The following PEX7 variants were observed in gnomAD, a reference collection of about 807,000 sequenced individuals.
PEX7 encodes peroxisomal biogenesis factor 7.
A neutral mutation model predicts 47.5 loss-of-function variants in PEX7; 34 were observed. That is an observed-to-expected ratio of 0.72 (90% CI 0.54 to 0.95). PEX7 has a LOEUF of 0.95. PEX7 is among the 40% of genes least tolerant of loss of function. The pLI, the probability that PEX7 is intolerant of heterozygous loss-of-function variation, is 0.00. For synonymous variants in PEX7, 141 were observed against 148.8 expected (o/e 0.95, Z 0.38); for missense variants, 394 against 400.3 (o/e 0.98, Z 0.13).
chr6:136,858,255 T>G (rs906956390), intron 5 of PEX7, among the ~76,000 whole-genome samples: 14 of 152,062 alleles, frequency 9.2e-5, no homozygotes, highest in Non-Finnish European at 1.5e-4. Flanking sequence ...TATGGACAAG[T>G]AAGAGGAAAT....
At chr6:136,898,808 G>GT (rs879642317) in intron 9 of PEX7, among the ~76,000 whole-genome samples, 38 of 149,342 alleles carry the variant, frequency 2.5e-4, no homozygotes, top group African/African-American at 3.2e-4. Flanking sequence ...TATCCCTCAG[G>GT]TTTTTTTTTT....
At chr6:136,835,216 T>A (rs532831666) in intron 3 of PEX7, among the ~76,000 whole-genome samples, 1 of 152,068 alleles carries the variant, frequency 6.6e-6, no homozygotes, top group Admixed American at 6.5e-5. Context: ...TGAGCCACTG[T>A]CCCTAGCCTT....
chr6:136,912,649 G>A (rs970966464), intron 9 of PEX7, among the ~76,000 whole-genome samples: 3 of 152,126 alleles, frequency 2.0e-5, no homozygotes, highest in Admixed American at 6.6e-5. Flanking sequence ...GTCAGCTAGT[G>A]TTAAGTAGTG....
intron 5 of PEX7, among the ~76,000 whole-genome samples, chr6:136,860,069 T>C (rs1300969060): frequency 4.0e-5 from 6 of 150,934 alleles, no homozygotes; most frequent in African/African-American, 1.5e-4. Flanking sequence ...AGGTCTGCAA[T>C]TGATAAGAGA....
In PEX7 at chr6:136,822,689, G is replaced by C. The variant is rs978818225; in HGVS notation, c.24G>C (p.Ala8=). MSAVCGG[A]ARMLRTPGRH... is the part of the protein sequence containing the mutation. ...GGATGAGTGCGGTGTGCGGTGGAGC[G>C]GCGCGGATGCTGCGGACGCCGGGAC... is the stretch of plus-strand genomic sequence containing the variant. The change falls in exon 1 of 10, where the codon GCG becomes GCC. Residue 8 remains alanine, a synonymous_variant. Transcript: ENST00000318471. The C allele has an allele frequency of 7.9e-6, 12 of 1,521,226 alleles. No individual in the cohort carries two copies. In the African/African-American group the frequency reaches 1.6e-4, roughly 20 times the overall value. 94.2% of individuals were successfully genotyped at this position (1,521,226 alleles called of 1,614,324 possible).
At position 136,848,850 on chromosome 6, in the gene PEX7, A is replaced by G. The variant is rs117567091; in HGVS notation, c.526+2669A>G. ...GTCTCTACCAGGCTTTGGTATCAGT[A>G]TGCTGCTGGCCTCATAAAATGAGTT... On this transcript the variant is annotated intron_variant, in intron 5 of 9. Coordinates refer to ENST00000318471, the MANE Select transcript of PEX7 (RefSeq NM_000288.4). Among the ~76,000 whole-genome samples the G allele has an allele frequency of 3.1e-3, 472 of 152,300 alleles. 8 individuals are homozygous for G. In the South Asian group the frequency reaches 0.034, roughly 11 times the overall value.
chr6:136,875,987 T>C (rs939817518), intron 8 of PEX7, among the ~76,000 whole-genome samples: 2 of 152,108 alleles, frequency 1.3e-5, no homozygotes, highest in African/African-American at 4.8e-5. Context: ...TTTCCAGATA[T>C]GCTTTTCCCC....
chr6:136,822,741 C>G lies in PEX7; in HGVS notation c.76C>G (p.Pro26Ala), dbSNP rs1774100244. Residue 26 changes from proline (P) to alanine (A), a missense_variant, in exon 1 of 10, where the codon CCG becomes GCG. Physicochemically the swap from Pro to Ala is conservative, Grantham distance 27. Coordinates refer to ENST00000318471, the MANE Select transcript of PEX7 (RefSeq NM_000288.4). ...CCACGGCTACGCCGCCGAGTTCTCC[C>G]CGTACCTGCCGGGCCGCCTGGCCTG... is the stretch of plus-strand genomic sequence containing the variant. ...GRHGYAAEFS[P>A]YLPGRLACAT... The G allele has an allele frequency of 6.7e-7, 1 of 1,496,678 alleles. No individual in the cohort carries two copies. The highest frequency in any genetic ancestry group is 1.5e-5 in the African/African-American group (1 of 68,684). The allele number at this position is 1,496,678 out of a possible 1,614,324, so 92.7% of individuals were successfully genotyped here.
intron 5 of PEX7, among the ~76,000 whole-genome samples, chr6:136,853,033 C>T (rs1346318250): frequency 6.7e-6 from 1 of 149,748 alleles, no homozygotes; most frequent in Non-Finnish European, 1.5e-5. Flanking sequence ...TGATCTTTGA[C>T]AAACCTGAGA....
chr6:136,909,725 A>C (rs1401614827), intron 9 of PEX7, among the ~76,000 whole-genome samples: 2 of 152,220 alleles, frequency 1.3e-5, no homozygotes. Flanking sequence ...ATATCATTGC[A>C]GTTTTAGATC....
chr6:136,845,133 A>C (rs1420970753), intron 3 of PEX7, among the ~76,000 whole-genome samples: 2 of 152,228 alleles, frequency 1.3e-5, no homozygotes, highest in Non-Finnish European at 2.9e-5. Context: ...GCAGCATTGG[A>C]TAACTAAAAC....
chr6:136,831,556 A>G (rs1249763912), intron 3 of PEX7, among the ~76,000 whole-genome samples: 2 of 152,262 alleles, frequency 1.3e-5, no homozygotes, highest in Non-Finnish European at 2.9e-5. Flanking sequence ...TTATTCCAGC[A>G]TTAACCCAAA....
intron 9 of PEX7, among the ~76,000 whole-genome samples, chr6:136,898,556 G>A (rs1030778120): frequency 2.6e-5 from 4 of 152,160 alleles, no homozygotes; most frequent in African/African-American, 9.7e-5. Flanking sequence ...TGTCGCCACG[G>A]GTTGGCAGGA....
chr6:136,862,074 T>TATATATATTATATA (rs1774976656), intron 5 of PEX7, among the ~76,000 whole-genome samples: 1 of 144,158 alleles, frequency 6.9e-6, no homozygotes. Flanking sequence ...ATATATAGTT[T>TATATATATTATATA]TTTTTTTGGG....
At chr6:136,855,714 A>C (rs949255887) in intron 5 of PEX7, 2 of 357,960 alleles carry the variant, frequency 5.6e-6, no homozygotes, top group Non-Finnish European at 1.1e-5. Context: ...TTTCTCTGAC[A>C]GGATACATGA....
chr6:136,838,772 A>G (rs1280575817), intron 3 of PEX7, among the ~76,000 whole-genome samples: 1 of 152,198 alleles, frequency 6.6e-6, no homozygotes, highest in East Asian at 1.9e-4. Context: ...AAGAAACATG[A>G]TGGGCAACAT....
intron 9 of PEX7, among the ~76,000 whole-genome samples, chr6:136,906,864 T>C (rs1372939311): frequency 1.3e-5 from 2 of 152,182 alleles, no homozygotes; most frequent in East Asian, 3.8e-4. Context: ...GTTTTTATCA[T>C]TGTCATCTTT....
intron 5 of PEX7, among the ~76,000 whole-genome samples, chr6:136,851,925 C>G (rs894390140): frequency 1.5e-5 from 1 of 66,382 alleles, no homozygotes; most frequent in Non-Finnish European, 2.8e-5. Context: ...GAGTAGGTTG[C>G]GAAAATTTTC....
chr6:136,840,829 T>C (rs959249296), intron 3 of PEX7, among the ~76,000 whole-genome samples: 3 of 152,194 alleles, frequency 2.0e-5, no homozygotes, highest in African/African-American at 7.2e-5. Flanking sequence ...CTCTGTAACC[T>C]GAGCCTTTCA....
Sources: allele counts gnomAD v4.1 joint callset (sites outside exome capture counted in the v4.1 genomes callset), GRCh38; gene constraint gnomAD v4.1.1; transcripts MANE v1.5; gene names NCBI Gene and HGNC (gene_info 2026-07-23, HGNC 2026-07-21).